The following FRMD3 variants were observed in gnomAD, a reference collection of about 807,000 sequenced individuals.
FRMD3 encodes the protein FERM domain-containing protein 3.
In FRMD3, 33 loss-of-function variants were observed where a neutral mutation model predicts 70.2. The ratio of observed to expected loss-of-function variants is 0.47; its 90% CI spans 0.36 to 0.63. The LOEUF is 0.63. Among genes scored for constraint, FRMD3 ranks in the 20% least tolerant of loss-of-function variants. FRMD3 has a pLI of 0.00. For missense variants in FRMD3, 632 were observed against 711.4 expected, an observed-to-expected ratio of 0.89 and a Z score of 1.27; for synonymous variants, 279 against 255.9, an observed-to-expected ratio of 1.09 and a Z score of -0.86.
intron 1 of FRMD3, among the ~76,000 whole-genome samples, chr9:83,527,203 G>A (rs749922458): frequency 3.3e-5 from 5 of 152,200 alleles, no homozygotes; most frequent in African/African-American, 4.8e-5. Context: ...CCAGAGGGAC[G>A]AGAAGGCAGT....
chr9:83,282,877 T>C (rs1834023389), intron 13 of FRMD3, among the ~76,000 whole-genome samples: 1 of 152,140 alleles, frequency 6.6e-6, no homozygotes, highest in Non-Finnish European at 1.5e-5. Context: ...AGATGTAAAA[T>C]ACAAAATGTT....
At chr9:83,527,196 G>C (rs1341005057) in intron 1 of FRMD3, among the ~76,000 whole-genome samples, 1 of 152,220 alleles carries the variant, frequency 6.6e-6, no homozygotes, top group Non-Finnish European at 1.5e-5. Context: ...GCCTGGCCCA[G>C]AGGGACGAGA....
intron 1 of FRMD3, among the ~76,000 whole-genome samples, chr9:83,430,924 A>G (rs887864677): frequency 6.6e-6 from 1 of 152,218 alleles, no homozygotes; most frequent in Admixed American, 6.5e-5. Context: ...TGCCTGCACC[A>G]CTTAGTTCCT....
intron 13 of FRMD3, chr9:83,276,313 T>C (rs1833790635): frequency 6.6e-6 from 1 of 151,780 alleles, no homozygotes; most frequent in Admixed American, 6.6e-5. Flanking sequence ...TCTCCATCAC[T>C]TCTGCTTTAT....
chr9:83,396,259 A>G (rs138989771), intron 1 of FRMD3, among the ~76,000 whole-genome samples: 48 of 152,344 alleles, frequency 3.2e-4, no homozygotes, highest in African/African-American at 1.1e-3. Context: ...TAGAATTTGG[A>G]CACTGGCAGG....
intron 3 of FRMD3, among the ~76,000 whole-genome samples, chr9:83,356,271 ATTTTTTTTTTTTTT>A (rs869149609): frequency 2.1e-5 from 2 of 94,436 alleles, no homozygotes; most frequent in African/African-American, 9.2e-5. Flanking sequence ...ACTCAGCAGC[ATTTTTTTTTTTTTT>A]TTTTTTTTTT....
chr9:83,283,542 AAAAAAAT>A (rs1554681474), intron 13 of FRMD3, among the ~76,000 whole-genome samples: 2 of 64,362 alleles, frequency 3.1e-5, no homozygotes, highest in Non-Finnish European at 7.5e-5. Flanking sequence ...AAAAAAAAAA[AAAAAAAT>A]AATAATAATA....
chr9:83,572,148 GGTGTGT>G, the FRMD3 span, among the ~76,000 whole-genome samples: 5,233 of 149,086 alleles, frequency 0.035, 325 homozygotes, highest in African/African-American at 0.12. Flanking sequence ...AGTTTTTTGA[GGTGTGT>G]GTGTGTGTGT....
chr9:83,404,207 G>A (rs1587820499), intron 1 of FRMD3, among the ~76,000 whole-genome samples: 1 of 152,102 alleles, frequency 6.6e-6, no homozygotes, highest in East Asian at 1.9e-4. Context: ...TCACTAAGGA[G>A]GAAAAACATC....
At chr9:83,555,632 G>A in the FRMD3 span, among the ~76,000 whole-genome samples, 1 of 152,212 alleles carries the variant, frequency 6.6e-6, no homozygotes, top group South Asian at 2.1e-4. Flanking sequence ...ATTAGGGCCT[G>A]CAGGCTATTA....
In FRMD3 at chr9:83,248,093, A is replaced by G. The variant is rs754683766; in HGVS notation, c.1619T>C (p.Leu540Pro). 6.2e-7 allele frequency: 1 copy of G among 1,614,078 alleles called. No homozygotes were observed. Among genetic ancestry groups the G allele is most frequent in the Admixed American group, 1.7e-5 (1 of 59,996 alleles). Reference protein sequence around the residue: ...RLLVVGLGLLLFVFPLLLLLL... With the variant: ...RLLVVGLGLLPFVFPLLLLLL... ...GAGGAGGAGCAGGGGAAATACAAAG[A>G]GCAGCAGTCCCAGGCCCACCACAAG... Residue 540 changes from leucine to proline, a missense_variant, in exon 14 of 14, where the codon CTC (leucine) becomes CCC (proline). Leu to Pro is a moderately conservative substitution (Grantham distance 98). Around this residue, in one of 3 missense-constraint regions of FRMD3, gnomAD observed 418 missense variants for 442.1 expected, o/e 0.95. Coordinates refer to ENST00000304195, the MANE Select transcript of FRMD3 (RefSeq NM_174938.6).
At chr9:83,578,298 A>G in the FRMD3 span, among the ~76,000 whole-genome samples, 5 of 151,990 alleles carry the variant, frequency 3.3e-5, no homozygotes, top group Non-Finnish European at 7.4e-5. Context: ...TATAAAATTG[A>G]ACTGGAGGGA....
At chr9:83,541,932 T>A (rs1163822569), upstream of FRMD3, among the ~76,000 whole-genome samples, 5 of 152,254 alleles carry the variant, frequency 3.3e-5, no homozygotes, top group Admixed American at 2.6e-4. Flanking sequence ...GAAACATTTT[T>A]TTATTTTTTA....
At chr9:83,335,662 G>T in intron 5 of FRMD3, 23 bp from the exon 6 acceptor site, 1 of 1,605,138 alleles carries the variant, frequency 6.2e-7, no homozygotes, top group Non-Finnish European at 8.5e-7. Flanking sequence ...AAAAAATAAA[G>T]AGACAGAGAA....
chr9:83,537,955 G>T lies in FRMD3; in HGVS notation c.147+130C>A. ...CCCACCCTCAGAGGCCTGAGGAATC[G>T]AAATCTGGCTTTCTAGCAGTCCCCC... On this transcript the variant is annotated intron_variant, in intron 1 of 13. Transcript: ENST00000304195. The surrounding 1 kb of genome is among the most constrained non-coding windows in gnomAD (Gnocchi z 4.1). 3 of 1,067,596 alleles carry T rather than the reference G, an allele frequency of 2.8e-6. No individual in the cohort carries two copies. Among genetic ancestry groups the T allele is most frequent in the Non-Finnish European group, 4.0e-6 (3 of 749,154 alleles). The allele number at this position is 1,067,596 out of a possible 1,614,324, so 66.1% of individuals were successfully genotyped here.
intron 1 of FRMD3, among the ~76,000 whole-genome samples, chr9:83,446,347 G>A (rs1450406671): frequency 1.3e-5 from 2 of 152,118 alleles, no homozygotes; most frequent in South Asian, 2.1e-4. Flanking sequence ...ACTGACACTC[G>A]AAAATGAAAA....
chr9:83,379,808 A>T (rs190106402), intron 2 of FRMD3, among the ~76,000 whole-genome samples: 1 of 152,282 alleles, frequency 6.6e-6, no homozygotes, highest in Non-Finnish European at 1.5e-5. Context: ...CAGATGTGGT[A>T]GTATAAATAC....
intron 13 of FRMD3, among the ~76,000 whole-genome samples, chr9:83,290,129 A>C (rs1203989068): frequency 6.6e-6 from 1 of 152,230 alleles, no homozygotes. Flanking sequence ...AATTGTGATT[A>C]CAGTGGCAGA....
intron 1 of FRMD3, among the ~76,000 whole-genome samples, chr9:83,492,719 C>A (rs1828856718): frequency 6.6e-6 from 1 of 152,218 alleles, no homozygotes; most frequent in Admixed American, 6.5e-5. Context: ...GCTGTGTCCA[C>A]CTCGACCCAG....
Sources: allele counts gnomAD v4.1 joint callset (sites outside exome capture counted in the v4.1 genomes callset), GRCh38; gene constraint gnomAD v4.1.1; regional missense constraint gnomAD v4.1.1; non-coding constraint Gnocchi (gnomAD v3.1); transcripts MANE v1.5; gene names NCBI Gene and HGNC (gene_info 2026-07-23, HGNC 2026-07-21).